CTNND2: variants seen among roughly 807,000 people sequenced by gnomAD.
CTNND2 encodes catenin delta 2.
A neutral mutation model predicts 144.4 loss-of-function variants in CTNND2; 22 were observed. The ratio of observed to expected loss-of-function variants is 0.15; its 90% confidence interval spans 0.11 to 0.22. CTNND2 has a LOEUF of 0.22. Among genes scored for constraint, CTNND2 ranks in the 10% least tolerant of loss-of-function variants. CTNND2 has a pLI of 1.00. For missense variants in CTNND2, 1,353 were observed against 1,618.8 expected, an observed-to-expected ratio of 0.84 and a Z score of 2.82; for synonymous variants, 751 against 695.6, an observed-to-expected ratio of 1.08 and a Z score of -1.25.
intron 2 of CTNND2, among the ~76,000 whole-genome samples, chr5:11,716,428 A>G (rs1249060613): frequency 6.6e-6 from 1 of 152,220 alleles, no homozygotes; most frequent in African/African-American, 2.4e-5. Flanking sequence ...TACCATGAAT[A>G]AGAGAGATTA....
intron 1 of CTNND2, among the ~76,000 whole-genome samples, chr5:11,752,558 T>C (rs936834109): frequency 6.6e-6 from 1 of 151,426 alleles, no homozygotes; most frequent in Non-Finnish European, 1.5e-5. Context: ...TTTTTTTTCT[T>C]TTTCCACTAA....
At chr5:11,145,683 T>C (rs57133851) in intron 12 of CTNND2, among the ~76,000 whole-genome samples, 14,031 of 152,132 alleles carry the variant, frequency 0.092, 1,146 homozygotes, top group East Asian at 0.35. Context: ...CTCTCCACCC[T>C]GTGGGAATGG....
chr5:11,840,094 A>T lies in CTNND2; in HGVS notation c.37+63723T>A, dbSNP rs367844331. 6.2e-4 allele frequency among the ~76,000 whole-genome samples: 94 copies of T among 152,302 alleles called. No homozygotes were observed. In the East Asian group the frequency reaches 0.015, roughly 24 times the overall value. On this transcript the variant is annotated intron_variant, in intron 1 of 21. Transcript: ENST00000304623. ...TTATAAAAGCTACTGCAATATATTC[A>T]TTAGGAAAAAAAAATTGTAACTACA...
intron 10 of CTNND2, among the ~76,000 whole-genome samples, chr5:11,212,935 T>C (rs1304913416): frequency 6.6e-6 from 1 of 152,196 alleles, no homozygotes; most frequent in Non-Finnish European, 1.5e-5. Flanking sequence ...ACATGGTTTC[T>C]GGGCAGGAAT....
At chr5:11,185,437 C>T (rs547804164) in intron 11 of CTNND2, among the ~76,000 whole-genome samples, 1 of 152,298 alleles carries the variant, frequency 6.6e-6, no homozygotes, top group African/African-American at 2.4e-5. Context: ...ACAAGAAGGT[C>T]ACCTTCTAAG....
chr5:11,466,040 C>T (rs551860681), intron 3 of CTNND2, among the ~76,000 whole-genome samples: 53 of 152,312 alleles, frequency 3.5e-4, no homozygotes, highest in African/African-American at 1.0e-3. Context: ...GTGGGGTTTT[C>T]ACTCTGTCAC....
intron 2 of CTNND2, among the ~76,000 whole-genome samples, chr5:11,716,709 C>T (rs569832954): frequency 1.0e-4 from 15 of 150,220 alleles, no homozygotes; most frequent in Non-Finnish European, 2.1e-4. Flanking sequence ...ATTTATGAGA[C>T]GGAGTCTTGC....
At chr5:11,846,634 TA>T in intron 1 of CTNND2, among the ~76,000 whole-genome samples, 1 of 152,094 alleles carries the variant, frequency 6.6e-6, no homozygotes, top group Middle Eastern at 3.4e-3. Context: ...AACAGCAAAG[TA>T]AACAATAAAG....
intron 20 of CTNND2, chr5:10,986,672 C>G (rs1443818609): frequency 2.2e-6 from 1 of 456,242 alleles, no homozygotes; most frequent in Middle Eastern, 3.3e-4. Flanking sequence ...TTCTCCCGTT[C>G]AGGAAACGTC....
At chr5:11,073,643 G>C (rs1748588122) in intron 16 of CTNND2, among the ~76,000 whole-genome samples, 1 of 152,118 alleles carries the variant, frequency 6.6e-6, no homozygotes, top group African/African-American at 2.4e-5. Flanking sequence ...TTCCCCAAAA[G>C]GTGTCCCAAG....
intron 3 of CTNND2, among the ~76,000 whole-genome samples, chr5:11,462,115 A>AT (rs1358208906): frequency 6.6e-6 from 1 of 152,004 alleles, no homozygotes; most frequent in African/African-American, 2.4e-5. Context: ...TCACAAATGA[A>AT]TGTCCCCACC....
At chr5:11,852,167 A>G (rs1479753101) in intron 1 of CTNND2, among the ~76,000 whole-genome samples, 1 of 152,160 alleles carries the variant, frequency 6.6e-6, no homozygotes, top group Non-Finnish European at 1.5e-5. Flanking sequence ...AGGCCATGGT[A>G]TCACACTCAG....
At chr5:11,226,587 G>C (rs1471397822) in intron 10 of CTNND2, among the ~76,000 whole-genome samples, 1 of 152,232 alleles carries the variant, frequency 6.6e-6, no homozygotes, top group Non-Finnish European at 1.5e-5. Context: ...GTCCAACAAA[G>C]AGAGAATTTG....
chr5:11,512,439 T>G (rs1771743861), intron 3 of CTNND2, among the ~76,000 whole-genome samples: 1 of 152,244 alleles, frequency 6.6e-6, no homozygotes, highest in Non-Finnish European at 1.5e-5. Context: ...AAAGTGTCTT[T>G]GAGCCTTGAC....
intron 11 of CTNND2, among the ~76,000 whole-genome samples, chr5:11,181,657 G>A (rs1177456557): frequency 6.6e-6 from 1 of 151,470 alleles, no homozygotes. Flanking sequence ...CCGTGTGTAT[G>A]TGTGTGTGTG....
At chr5:11,771,138 T>C (rs915705988) in intron 1 of CTNND2, among the ~76,000 whole-genome samples, 11 of 149,686 alleles carry the variant, frequency 7.3e-5, no homozygotes, top group Non-Finnish European at 1.3e-4. Flanking sequence ...TTACCTTTGA[T>C]AGGGTCCAAA....
intron 3 of CTNND2, among the ~76,000 whole-genome samples, chr5:11,446,831 G>A (rs1764848782): frequency 6.6e-6 from 1 of 152,138 alleles, no homozygotes; most frequent in Non-Finnish European, 1.5e-5. Flanking sequence ...GGGGGCCGTG[G>A]ATAAAAGTTT....
In CTNND2 at chr5:11,077,836, CA is replaced by C. The variant is rs61750281; in HGVS notation, c.2788+4859del. Among the ~76,000 whole-genome samples the C allele has an allele frequency of 4.0e-3, 604 of 152,282 alleles. 4 individuals carry two copies. Among genetic ancestry groups the C allele is most frequent in the African/African-American group, 0.012 (510 of 41,552 alleles). On this transcript the variant is annotated intron_variant, in intron 16 of 21. Coordinates refer to ENST00000304623, the MANE Select transcript of CTNND2 (RefSeq NM_001332.4). ...TAAAGTCTGCGAAAATTCAGAAGGA[CA>C]ACCAGATTTGTTGATAGATTAGGTA... is the stretch of plus-strand genomic sequence containing the variant.
At chr5:11,492,890 G>A (rs1036552917) in intron 3 of CTNND2, among the ~76,000 whole-genome samples, 2 of 151,994 alleles carry the variant, frequency 1.3e-5, no homozygotes, top group African/African-American at 4.8e-5. Context: ...GGCCAACATG[G>A]TGAAACCCTG....
Sources: gnomAD v4.1 joint callset for allele counts (sites outside exome capture counted in the v4.1 genomes callset) on GRCh38, gnomAD v4.1.1 for gene constraint, MANE v1.5 for transcripts, NCBI Gene and HGNC (gene_info 2026-07-23, HGNC 2026-07-21) for gene names.